The following MICU1 variants were observed in gnomAD, a reference collection of about 807,000 sequenced individuals.
MICU1 encodes mitochondrial calcium uptake 1.
Under a neutral mutation model 56.8 loss-of-function variants are expected in MICU1, and 45 were observed. That is an observed-to-expected ratio of 0.79 (90% CI 0.62 to 1.02). The LOEUF is 1.02. Among genes scored for constraint, MICU1 ranks in the 50% least tolerant of loss-of-function variants. The pLI is 0.00. For synonymous variants in MICU1, 186 were observed against 195.1 expected, an observed-to-expected ratio of 0.95 and a Z score of 0.39; for missense variants, 504 against 587.1, an observed-to-expected ratio of 0.86 and a Z score of 1.46.
intron 10 of MICU1, among the ~76,000 whole-genome samples, chr10:72,406,709 C>G (rs1267745382): frequency 2.0e-5 from 3 of 151,994 alleles, no homozygotes; most frequent in African/African-American, 7.2e-5. Context: ...TCACTGCAAC[C>G]TCTGCCTCCC....
At chr10:72,507,609 G>A (rs1867297622) in intron 6 of MICU1, among the ~76,000 whole-genome samples, 1 of 152,098 alleles carries the variant, frequency 6.6e-6, no homozygotes, top group Non-Finnish European at 1.5e-5. Context: ...AATACAGAGT[G>A]ACAGACAGTT....
At chr10:72,543,452 T>A (rs1391965816) in intron 4 of MICU1, among the ~76,000 whole-genome samples, 3 of 152,022 alleles carry the variant, frequency 2.0e-5, no homozygotes, top group African/African-American at 7.3e-5. Context: ...AGAAAGAGGA[T>A]CACGTGAGCC....
chr10:72,389,912 C>T (rs753366083), intron 10 of MICU1, among the ~76,000 whole-genome samples: 1 of 152,168 alleles, frequency 6.6e-6, no homozygotes, highest in Non-Finnish European at 1.5e-5. Flanking sequence ...ATCAGCCAGC[C>T]GCTGAGAGGT....
intron 1 of MICU1, among the ~76,000 whole-genome samples, chr10:72,612,986 GT>G (rs1564513144): frequency 6.6e-6 from 1 of 151,794 alleles, no homozygotes; most frequent in East Asian, 1.9e-4. Flanking sequence ...AAGATTAAAA[GT>G]AATTATTTAT....
rs1840023873 is a variant in MICU1 at position 72,551,108 on chromosome 10, A to G, written c.493+71T>C. On this transcript the variant is annotated intron_variant, in intron 4 of 11. Transcript: ENST00000361114. ...CAAGGACCTGTAAGATTTCAGTACTATGTAGAAAGAGACAAAGTAGCCTAT... is the reference window on the plus strand; with the variant it reads ...CAAGGACCTGTAAGATTTCAGTACTGTGTAGAAAGAGACAAAGTAGCCTAT... The G allele has an allele frequency of 3.6e-6, 5 of 1,396,718 alleles. No homozygotes were observed. The Admixed American group carries it at 1.3e-4, about 35-fold the overall frequency. 86.5% of individuals were successfully genotyped at this position (1,396,718 alleles called of 1,614,324 possible). A position where few individuals can be genotyped will look rare whatever the true frequency, so the allele number is the denominator to read the frequency against.
At chr10:72,427,111 T>G (rs186942450) in intron 8 of MICU1, among the ~76,000 whole-genome samples, 1 of 152,236 alleles carries the variant, frequency 6.6e-6, no homozygotes, top group South Asian at 2.1e-4. Flanking sequence ...CCATCTGCAT[T>G]GTTTTTCCGT....
chr10:72,565,478 G>A (rs192291459), intron 2 of MICU1, among the ~76,000 whole-genome samples: 2,671 of 129,098 alleles, frequency 0.021, 91 homozygotes, highest in African/African-American at 0.074. Flanking sequence ...ATCACACGCC[G>A]GGGCCTGTTG....
Position 72,575,696 on chromosome 10 carries a change from C to CTTAA in MICU1, c.-1-8903_-1-8902insTTAA, listed in dbSNP as rs770434225. Among the ~76,000 whole-genome samples, 828 of 152,252 alleles carry CTTAA rather than the reference C, an allele frequency of 5.4e-3. 6 individuals are homozygous for CTTAA. The highest frequency in any genetic ancestry group is 0.014 in the Middle Eastern group (4 of 294). On this transcript the variant is annotated intron_variant, in intron 1 of 11. Transcript: ENST00000361114. ...TGTTACTATTTTAATTGTTCTGAGG[C>CTTAA]ACCAAAAACCATGCCCAAAGATGGC...
chr10:72,611,334 G>A (rs764056385), intron 1 of MICU1, among the ~76,000 whole-genome samples: 71 of 142,988 alleles, frequency 5.0e-4, no homozygotes, highest in Admixed American at 2.9e-3. Context: ...AAAAAAGGCC[G>A]GGAGCAGTTG....
At chr10:72,394,289 A>T (rs1456739362) in intron 10 of MICU1, among the ~76,000 whole-genome samples, 1 of 152,178 alleles carries the variant, frequency 6.6e-6, no homozygotes, top group East Asian at 1.9e-4. Flanking sequence ...TAAGATGTAG[A>T]CATATCCTTT....
Position 72,551,229 on chromosome 10 carries a change from G to C in MICU1, c.443C>G (p.Thr148Arg). 1 of 1,611,478 alleles carries C rather than the reference G, an allele frequency of 6.2e-7. No homozygotes were observed. ...TATGGATCGCACAAAATCTTCTGGT[G>C]TCATAAACACTTCTGCTTCACCAGG... ...SEPGEAEVFM[T>R]PEDFVRSITP... is the part of the protein sequence containing the mutation. Residue 148 changes from threonine (T) to arginine (R), a missense_variant, in exon 4 of 12, where the codon ACA (threonine) becomes AGA (arginine). Thr to Arg is a moderately conservative substitution (Grantham distance 71). Coordinates refer to ENST00000361114, the MANE Select transcript of MICU1 (RefSeq NM_001195518.2).
chr10:72,589,414 A>ACTT (rs1451820431), intron 1 of MICU1, among the ~76,000 whole-genome samples: 1 of 152,260 alleles, frequency 6.6e-6, no homozygotes, highest in East Asian at 1.9e-4. Flanking sequence ...AATGGAGGGT[A>ACTT]CATTTTACTT....
At position 72,492,869 on chromosome 10, in the gene MICU1, C is replaced by G. The variant is rs561599995; in HGVS notation, c.652+15286G>C. On this transcript the variant is annotated intron_variant, in intron 6 of 11. Coordinates refer to ENST00000361114, the MANE Select transcript of MICU1 (RefSeq NM_001195518.2). Reference sequence around the variant, plus strand: ...TGGTGGCTCACGCCTGTAATCCCAACACTTTGGGAGGCCGAGGCGAGTGGA... The same window carrying G: ...TGGTGGCTCACGCCTGTAATCCCAAGACTTTGGGAGGCCGAGGCGAGTGGA... 5.5e-4 allele frequency among the ~76,000 whole-genome samples: 83 copies of G among 151,690 alleles called. 1 individual carries two copies. Among genetic ancestry groups the G allele is most frequent in the South Asian group, 4.8e-3 (23 of 4,818 alleles).
chr10:72,584,175 T>C (rs2132512823), intron 1 of MICU1, among the ~76,000 whole-genome samples: 1 of 152,216 alleles, frequency 6.6e-6, no homozygotes, highest in East Asian at 1.9e-4. Flanking sequence ...TCTGAAACAG[T>C]CCTTTATCCA....
In MICU1 at chr10:72,532,210, C is replaced by T. The variant is rs559800976; in HGVS notation, c.537+1536G>A. On this transcript the variant is annotated intron_variant, in intron 5 of 11. Transcript: ENST00000361114. ...GCGGGAGCCTGTAGTCCTAGCTACT[C>T]GAGAGGCTGAGGCAGGAGAATGGTG... 2.4e-4 allele frequency among the ~76,000 whole-genome samples: 36 copies of T among 151,490 alleles called. No individual in the cohort carries two copies. In the South Asian group the frequency reaches 7.1e-3, roughly 30 times the overall value.
rs75279471 is a variant in MICU1, at chr10:72,519,933, A to T, written c.538-11664T>A. On this transcript the variant is annotated intron_variant, in intron 5 of 11. Coordinates refer to ENST00000361114, the MANE Select transcript of MICU1 (RefSeq NM_001195518.2). ...TTGGCATATAGAAAATGTGATGAAGAACACAGCTTTACTATTTAAATTAAA... is the reference window on the plus strand; with the variant it reads ...TTGGCATATAGAAAATGTGATGAAGTACACAGCTTTACTATTTAAATTAAA... Among the ~76,000 whole-genome samples, 1,245 of 152,340 alleles carry T rather than the reference A, an allele frequency of 8.2e-3. 15 individuals are homozygous for T. The highest frequency in any genetic ancestry group is 0.028 in the African/African-American group (1,173 of 41,580).
chr10:72,448,375 T>C (rs1318675852), intron 8 of MICU1, among the ~76,000 whole-genome samples: 1 of 151,272 alleles, frequency 6.6e-6, no homozygotes, highest in Non-Finnish European at 1.5e-5. Flanking sequence ...GGTTTCACCA[T>C]GTTGGCCAGG....
intron 6 of MICU1, among the ~76,000 whole-genome samples, chr10:72,489,331 A>AT (rs1866581129): frequency 1.5e-5 from 2 of 130,410 alleles, no homozygotes; most frequent in African/African-American, 7.9e-5. Context: ...CACAAAAATA[A>AT]AAAAAAAAGG....
chr10:72,407,227 C>A (rs1863660777), intron 10 of MICU1, among the ~76,000 whole-genome samples: 1 of 152,118 alleles, frequency 6.6e-6, no homozygotes, highest in Non-Finnish European at 1.5e-5. Flanking sequence ...CTTACGTCTG[C>A]AACTTACTTT....
Sources: gnomAD v4.1 joint callset for allele counts (sites outside exome capture counted in the v4.1 genomes callset) on GRCh38, gnomAD v4.1.1 for gene constraint, MANE v1.5 for transcripts, NCBI Gene and HGNC (gene_info 2026-07-23, HGNC 2026-07-21) for gene names.